Variants in XPO4 observed in about 807,000 individuals in gnomAD.
XPO4 encodes exportin-4.
XPO4 carries 39 observed loss-of-function variants against 143.0 expected under a neutral mutation model. The ratio of observed to expected loss-of-function variants is 0.27; its 90% confidence interval spans 0.21 to 0.36. The LOEUF (loss-of-function observed/expected upper bound fraction) is 0.36, where lower values mean the gene tolerates loss of function less well. Ranked by LOEUF, XPO4 falls within the 10% of genes least tolerant of loss-of-function variation. The probability of loss-of-function intolerance (pLI) is 1.00; values close to 1 mark genes in which losing one functional copy is unlikely to be tolerated. For missense variants in XPO4, 907 were observed against 1,348.0 expected (o/e 0.67, Z 5.12); for synonymous variants, 439 against 474.0 (o/e 0.93, Z 0.96).
chr13:20,827,224 CT>C, intron 6 of XPO4, 45 bp from the exon 7 acceptor site: 11 of 1,370,554 alleles, frequency 8.0e-6, no homozygotes, highest in Non-Finnish European at 1.1e-5. Flanking sequence ...CTTACTTTGT[CT>C]AAAGTATAAG....
intron 9 of XPO4, among the ~76,000 whole-genome samples, chr13:20,813,262 C>G (rs906462639): frequency 2.6e-5 from 4 of 152,108 alleles, no homozygotes; most frequent in African/African-American, 4.8e-5. Context: ...GGTGGGGACA[C>G]AGAGCCAAAC....
intron 22 of XPO4, 87 bp downstream of exon 22, chr13:20,786,878 G>A: frequency 4.8e-6 from 5 of 1,047,892 alleles, no homozygotes; most frequent in Non-Finnish European, 6.9e-6. Flanking sequence ...ATCCTATAAG[G>A]GGGGATTAAT....
intron 3 of XPO4, among the ~76,000 whole-genome samples, chr13:20,859,430 C>T (rs184753933): frequency 1.3e-5 from 2 of 152,252 alleles, no homozygotes; most frequent in African/African-American, 4.8e-5. Context: ...GAAACCCCGT[C>T]TCTACTAAAA....
At chr13:20,880,751 G>A (rs2060400968) in intron 1 of XPO4, among the ~76,000 whole-genome samples, 2 of 152,106 alleles carry the variant, frequency 1.3e-5, no homozygotes, top group African/African-American at 2.4e-5. Flanking sequence ...GAGTTCCGGG[G>A]TTCCAGACCA....
chr13:20,790,315 ACC>A, intron 19 of XPO4, 145 bp downstream of exon 19: 1 of 649,206 alleles, frequency 1.5e-6, no homozygotes, highest in Non-Finnish European at 2.7e-6. Context: ...TGCACAAGTA[ACC>A]GTTAATGAAA....
chr13:20,883,096 G>A (rs780242049), intron 1 of XPO4, among the ~76,000 whole-genome samples: 2 of 152,006 alleles, frequency 1.3e-5, no homozygotes, highest in African/African-American at 2.4e-5. Flanking sequence ...CCACTATCCC[G>A]CCCTGCCCTT....
At position 20,847,939 on chromosome 13, in the gene XPO4, G is replaced by A. The variant is rs61954192; in HGVS notation, c.457-4053C>T. 2.8e-3 allele frequency among the ~76,000 whole-genome samples: 426 copies of A among 152,194 alleles called. 2 individuals carry two copies. The highest frequency in any genetic ancestry group is 7.5e-3 in the South Asian group (36 of 4,818). Reference sequence around the variant, plus strand: ...AGCAAGCAAACATTTTTAATGAAACGTCCTATAAATTTTTCTTAAGGAATT... The same window carrying A: ...AGCAAGCAAACATTTTTAATGAAACATCCTATAAATTTTTCTTAAGGAATT... On this transcript the variant is annotated intron_variant, in intron 4 of 22. Transcript: ENST00000255305.
intron 9 of XPO4, among the ~76,000 whole-genome samples, chr13:20,819,932 T>A (rs2762991): frequency 0.22 from 33,595 of 152,114 alleles, 5,499 homozygotes; most frequent in East Asian, 0.8. Context: ...AAAGTCACCA[T>A]GCCTGGGCCA....
chr13:20,844,894 G>A (rs755560158), intron 4 of XPO4, among the ~76,000 whole-genome samples: 10 of 152,244 alleles, frequency 6.6e-5, no homozygotes, highest in South Asian at 2.1e-4. Context: ...AACATAGGCC[G>A]GACACAGTGG....
intron 4 of XPO4, among the ~76,000 whole-genome samples, chr13:20,846,215 A>G (rs1290130868): frequency 6.6e-6 from 1 of 152,230 alleles, no homozygotes; most frequent in East Asian, 1.9e-4. Context: ...AACTATCACC[A>G]TATTCAAGTT....
intron 1 of XPO4, chr13:20,869,588 A>G: frequency 2.5e-6 from 2 of 808,132 alleles, no homozygotes; most frequent in Non-Finnish European, 3.0e-6. Flanking sequence ...AATCAATTAT[A>G]TTAGATCAAC....
At chr13:20,893,649 A>C (rs1267066840) in intron 1 of XPO4, among the ~76,000 whole-genome samples, 1 of 151,908 alleles carries the variant, frequency 6.6e-6, no homozygotes, top group Non-Finnish European at 1.5e-5. Flanking sequence ...CCAGGAACAC[A>C]GGAGGCCAAG....
intron 13 of XPO4, among the ~76,000 whole-genome samples, chr13:20,801,386 C>A (rs1035374444): frequency 6.6e-6 from 1 of 152,078 alleles, no homozygotes; most frequent in Non-Finnish European, 1.5e-5. Context: ...TTAAAACTAC[C>A]CTGGTTAGTA....
At chr13:20,884,200 T>G (rs1229329866) in intron 1 of XPO4, among the ~76,000 whole-genome samples, 3 of 152,042 alleles carry the variant, frequency 2.0e-5, no homozygotes, top group Admixed American at 2.0e-4. Context: ...CAAGGCAGTC[T>G]CAAAAATTGA....
At chr13:20,860,341 A>G (rs1207566302) in intron 3 of XPO4, among the ~76,000 whole-genome samples, 1 of 152,232 alleles carries the variant, frequency 6.6e-6, no homozygotes, top group Non-Finnish European at 1.5e-5. Context: ...CTTTTATTAC[A>G]TAAATATAAA....
At chr13:20,888,909 T>TGC (rs2060485927) in intron 1 of XPO4, among the ~76,000 whole-genome samples, 1 of 152,034 alleles carries the variant, frequency 6.6e-6, no homozygotes, top group Non-Finnish European at 1.5e-5. Context: ...TTCAAGTGAT[T>TGC]CTCCTGCCTC....
chr13:20,821,921 A>G, intron 8 of XPO4, 43 bp from the exon 9 acceptor site: 1 of 1,541,496 alleles, frequency 6.5e-7, no homozygotes, highest in Non-Finnish European at 8.8e-7. Flanking sequence ...AGTAAAAGAA[A>G]AATTATTAAT....
intron 6 of XPO4, among the ~76,000 whole-genome samples, chr13:20,838,872 T>C (rs2059945540): frequency 6.6e-6 from 1 of 152,082 alleles, no homozygotes; most frequent in Non-Finnish European, 1.5e-5. Context: ...ATTAAAAAAG[T>C]GGTATATCCA....
intron 3 of XPO4, 33 bp from the exon 4 acceptor site, chr13:20,855,798 A>G (rs2060137659): frequency 6.5e-7 from 1 of 1,545,886 alleles, no homozygotes; most frequent in East Asian, 2.3e-5. Flanking sequence ...TGAAAAATTT[A>G]CCTAAATCTA....
Sources: gnomAD v4.1 joint callset for allele counts (sites outside exome capture counted in the v4.1 genomes callset) on GRCh38, gnomAD v4.1.1 for gene constraint, MANE v1.5 for transcripts, NCBI Gene and HGNC (gene_info 2026-07-23, HGNC 2026-07-21) for gene names.